SLIT3: variants seen among roughly 807,000 people sequenced by gnomAD.
SLIT3 encodes the protein slit homolog 3 protein.
A neutral mutation model predicts 184.0 loss-of-function variants in SLIT3; 68 were observed. The observed-to-expected ratio is 0.37, with a 90% confidence interval of 0.30 to 0.45. The LOEUF (loss-of-function observed/expected upper bound fraction) is 0.45. Ranked by LOEUF, SLIT3 falls within the 20% of genes least tolerant of loss-of-function variation. The pLI, the probability that SLIT3 is intolerant of heterozygous loss-of-function variation, is 1.00. For missense variants in SLIT3, 1,707 were observed against 2,026.0 expected, an observed-to-expected ratio of 0.84 and a Z score of 3.02; for synonymous variants, 831 against 828.6, an observed-to-expected ratio of 1.00 and a Z score of -0.05.
rs145604250 is a variant in SLIT3, at chr5:168,822,429, C to T, written c.629+831G>A. 1.1e-3 allele frequency among the ~76,000 whole-genome samples: 170 copies of T among 152,252 alleles called. 2 individuals are homozygous for T. In the East Asian group the frequency reaches 0.025, roughly 22 times the overall value. ...TGGCCCTAAATGTTTTTGGCTGACACCCTTGGGAGCTGGCTCTCCCTGACC... is the reference window on the plus strand; with the variant it reads ...TGGCCCTAAATGTTTTTGGCTGACATCCTTGGGAGCTGGCTCTCCCTGACC... On this transcript the variant is annotated intron_variant, in intron 7 of 35. Transcript: ENST00000519560.
chr5:168,963,780 C>T (rs1057495542), intron 4 of SLIT3, among the ~76,000 whole-genome samples: 1 of 152,208 alleles, frequency 6.6e-6, no homozygotes, highest in Admixed American at 6.5e-5. Context: ...AAGAGGCTGA[C>T]CTTCATCTTC....
intron 1 of SLIT3, among the ~76,000 whole-genome samples, chr5:169,262,421 G>A (rs1766224489): frequency 6.6e-6 from 1 of 152,054 alleles, no homozygotes; most frequent in Non-Finnish European, 1.5e-5. Flanking sequence ...TCCAGTTGAA[G>A]GACAGGCTGA....
intron 4 of SLIT3, among the ~76,000 whole-genome samples, chr5:169,152,417 A>T (rs1376069302): frequency 1.3e-5 from 2 of 152,200 alleles, no homozygotes; most frequent in Non-Finnish European, 2.9e-5. Flanking sequence ...GCTGAGTATT[A>T]AGAAACTTGA....
At chr5:168,804,234 C>T (rs1327585065) in intron 9 of SLIT3, among the ~76,000 whole-genome samples, 2 of 140,244 alleles carry the variant, frequency 1.4e-5, no homozygotes, top group African/African-American at 5.3e-5. Flanking sequence ...CGCTTGAACC[C>T]AGGAGGCAGA....
At chr5:168,746,394 GGTGTCTGGTGGTGTGTA>G (rs1763814139) in intron 20 of SLIT3, among the ~76,000 whole-genome samples, 1 of 92,846 alleles carries the variant, frequency 1.1e-5, no homozygotes. Context: ...GTGGGTGTGT[GGTGTCTGGTGGTGTGTA>G]GTGTGTGAGT....
chr5:168,840,443 ATT>A (rs34042363), intron 6 of SLIT3, among the ~76,000 whole-genome samples: 13 of 142,044 alleles, frequency 9.2e-5, no homozygotes, highest in East Asian at 4.1e-4. Flanking sequence ...AGAGTTAAGC[ATT>A]TTTTTTTTTT....
intron 27 of SLIT3, among the ~76,000 whole-genome samples, chr5:168,699,631 T>C (rs751029302): frequency 1.1e-4 from 17 of 152,136 alleles, no homozygotes; most frequent in Non-Finnish European, 1.9e-4. Flanking sequence ...GAAATGTTAA[T>C]GTCAGGAAGG....
At chr5:168,669,315 A>C (rs1761158192) in intron 35 of SLIT3, among the ~76,000 whole-genome samples, 1 of 152,236 alleles carries the variant, frequency 6.6e-6, no homozygotes, top group African/African-American at 2.4e-5. Flanking sequence ...GCCCTGGCGC[A>C]AGGACCCTCA....
intron 4 of SLIT3, among the ~76,000 whole-genome samples, chr5:168,901,133 C>T (rs1760853973): frequency 6.6e-6 from 1 of 152,178 alleles, no homozygotes; most frequent in Non-Finnish European, 1.5e-5. Context: ...GAGGCCGAGG[C>T]AGGCGGATCA....
chr5:169,003,726 ACT>A (rs1755805780), intron 4 of SLIT3, among the ~76,000 whole-genome samples: 2 of 152,118 alleles, frequency 1.3e-5, no homozygotes, highest in Admixed American at 1.3e-4. Flanking sequence ...CCAACAGGGG[ACT>A]CTCTTTTTTT....
At position 169,149,340 on chromosome 5, in the gene SLIT3, CT is replaced by C. The variant is rs3038064; in HGVS notation, c.413+44138del. Among the ~76,000 whole-genome samples, 279 of 137,742 alleles carry C rather than the reference CT, an allele frequency of 2.0e-3. 1 individual carries two copies. The highest frequency in any genetic ancestry group is 2.6e-3 in the Non-Finnish European group (167 of 63,378). The allele number at this position is 137,742 out of a possible 152,430, so 90.4% of individuals were successfully genotyped here. On this transcript the variant is annotated intron_variant, in intron 4 of 35. Coordinates refer to ENST00000519560, the MANE Select transcript of SLIT3 (RefSeq NM_003062.4). ...AACTTATGAGAGAATACAACATGGG[CT>C]TTTTTTTTTTTTTCAACTTGTGGTA...
At chr5:169,138,209 C>A (rs1430980469) in intron 4 of SLIT3, among the ~76,000 whole-genome samples, 1 of 152,190 alleles carries the variant, frequency 6.6e-6, no homozygotes, top group Non-Finnish European at 1.5e-5. Flanking sequence ...CTCAATATAG[C>A]CCTTGCAATA....
At chr5:169,097,792 G>A (rs189329720) in intron 4 of SLIT3, among the ~76,000 whole-genome samples, 7 of 152,276 alleles carry the variant, frequency 4.6e-5, no homozygotes, top group African/African-American at 1.7e-4. Flanking sequence ...GGTCCCAGAT[G>A]CTGCTTCTCA....
At chr5:168,871,520 G>C (rs187801221) in intron 5 of SLIT3, among the ~76,000 whole-genome samples, 1 of 152,168 alleles carries the variant, frequency 6.6e-6, no homozygotes, top group Admixed American at 6.5e-5. Flanking sequence ...TTTATACCTA[G>C]CCCATTAGAA....
intron 4 of SLIT3, among the ~76,000 whole-genome samples, chr5:169,078,170 T>C (rs1758820262): frequency 6.6e-6 from 1 of 152,190 alleles, no homozygotes; most frequent in South Asian, 2.1e-4. Context: ...TTTCAACACA[T>C]CAGGTTACAA....
chr5:169,148,624 G>C (rs548463460), intron 4 of SLIT3, among the ~76,000 whole-genome samples: 10 of 152,282 alleles, frequency 6.6e-5, no homozygotes, highest in African/African-American at 2.4e-4. Flanking sequence ...TTTGCACGTT[G>C]TTCTGTGGCT....
At chr5:168,667,176 A>C (rs1160239782) in intron 35 of SLIT3, among the ~76,000 whole-genome samples, 1 of 152,212 alleles carries the variant, frequency 6.6e-6, no homozygotes, top group East Asian at 1.9e-4. Context: ...GTGATGGCTG[A>C]AGCTGAGTGC....
At chr5:168,816,775 C>T (rs1256228942) in intron 8 of SLIT3, among the ~76,000 whole-genome samples, 2 of 152,230 alleles carry the variant, frequency 1.3e-5, no homozygotes, top group East Asian at 3.9e-4. Flanking sequence ...CATTATTTCA[C>T]TTAATCCTCC....
intron 4 of SLIT3, among the ~76,000 whole-genome samples, chr5:168,890,276 G>A (rs935123151): frequency 2.0e-5 from 3 of 152,138 alleles, no homozygotes; most frequent in Non-Finnish European, 2.9e-5. Flanking sequence ...TATTTTAGCT[G>A]GGGCCCAAAA....
Sources: gnomAD v4.1 joint callset for allele counts (sites outside exome capture counted in the v4.1 genomes callset) on GRCh38, gnomAD v4.1.1 for gene constraint, MANE v1.5 for transcripts, NCBI Gene and HGNC (gene_info 2026-07-23, HGNC 2026-07-21) for gene names.